Variants in PLEKHA6 observed in about 807,000 individuals in gnomAD.
PLEKHA6 encodes the protein pleckstrin homology domain-containing family A member 6.
A neutral mutation model predicts 116.7 loss-of-function variants in PLEKHA6; 60 were observed. The observed-to-expected ratio is 0.51, with a 90% CI of 0.42 to 0.64. The LOEUF (loss-of-function observed/expected upper bound fraction) is 0.64. PLEKHA6 is among the 30% of genes least tolerant of loss of function. PLEKHA6 has a pLI of 0.00. For missense variants in PLEKHA6, 1,338 were observed against 1,422.7 expected (o/e 0.94, Z 0.96); for synonymous variants, 489 against 556.1 (o/e 0.88, Z 1.70).
At chr1:204,321,066 T>C (rs1448641461) in intron 1 of PLEKHA6, among the ~76,000 whole-genome samples, 5 of 152,090 alleles carry the variant, frequency 3.3e-5, no homozygotes, top group African/African-American at 1.2e-4. Flanking sequence ...TGGACAAGGC[T>C]GTTGTTTCGG....
chr1:204,223,641 G>T lies in PLEKHA6; in HGVS notation c.3032-56C>A. ...GGGGGTGGGTGGGGGAGGAGGGTGG[G>T]CACCCAGAGCAAGCGAGGCCCTCCC... On this transcript the variant is annotated intron_variant, in intron 21 of 22. Coordinates refer to ENST00000272203, the MANE Select transcript of PLEKHA6 (RefSeq NM_014935.5). The surrounding 1 kb of genome is among the most constrained non-coding windows in gnomAD (Gnocchi z 4.8). 3.7e-6 allele frequency: 1 copy of T among 267,636 alleles called. No homozygotes were observed. The allele number at this position is 267,636 out of a possible 1,614,324, so 16.6% of individuals were successfully genotyped here.
intron 1 of PLEKHA6, among the ~76,000 whole-genome samples, chr1:204,356,838 C>A (rs958637793): frequency 2.6e-5 from 4 of 152,116 alleles, no homozygotes; most frequent in Non-Finnish European, 5.9e-5. Context: ...ATTACTTTTA[C>A]ACTCACAGAA....
In PLEKHA6 at chr1:204,220,312, A is replaced by G. The variant is rs991531493; in HGVS notation, c.*2476T>C. On this transcript the variant is annotated 3_prime_UTR_variant, in exon 23 of 23. Transcript: ENST00000272203. ...CTGACAACCGCAGAGGGTCATCAGG[A>G]GCAGACAGTGTAATAAAATCCTTAG... is the stretch of plus-strand genomic sequence containing the variant. The G allele has an allele frequency of 6.6e-6, 1 of 152,234 alleles. No homozygotes were observed. Among genetic ancestry groups the G allele is most frequent in the Admixed American group, 6.5e-5 (1 of 15,288 alleles). 9.4% of individuals were successfully genotyped at this position (152,234 alleles called of 1,614,324 possible).
chr1:204,253,908 G>A (rs1023735422), intron 9 of PLEKHA6, among the ~76,000 whole-genome samples: 3 of 152,128 alleles, frequency 2.0e-5, no homozygotes, highest in Admixed American at 6.5e-5. Context: ...CCATGAGGGA[G>A]TCTTCTGGAA....
Position 204,222,737 on chromosome 1 carries a change from G to C in PLEKHA6, c.*51C>G, listed in dbSNP as rs1659781412. The C allele has an allele frequency of 6.5e-6, 1 of 152,904 alleles. No individual in the cohort carries two copies. The highest frequency in any genetic ancestry group is 1.5e-5 in the Non-Finnish European group (1 of 68,234). 9.5% of individuals were successfully genotyped at this position (152,904 alleles called of 1,614,324 possible). On this transcript the variant is annotated 3_prime_UTR_variant, in exon 23 of 23. Transcript: ENST00000272203. ...GGGCAGAGGACGGCTTCAGAATGTG[G>C]CTCTGTGGAGCTTCACAGCATTGGC...
At chr1:204,230,290 A>C (rs758536149) in intron 18 of PLEKHA6, 123 bp downstream of exon 18, 2 of 698,994 alleles carry the variant, frequency 2.9e-6, no homozygotes, top group Non-Finnish European at 4.5e-6. Flanking sequence ...CCAGGTGCCC[A>C]GCTTGGGTTC....
intron 1 of PLEKHA6, among the ~76,000 whole-genome samples, chr1:204,343,722 C>A (rs1174696920): frequency 6.6e-6 from 1 of 152,188 alleles, no homozygotes; most frequent in Admixed American, 6.5e-5. Flanking sequence ...CAGGGCAGTG[C>A]TCCTAGTCAC....
intron 1 of PLEKHA6, among the ~76,000 whole-genome samples, chr1:204,349,261 G>A (rs68142825): frequency 0.14 from 21,108 of 152,158 alleles, 3,678 homozygotes; most frequent in African/African-American, 0.41. Context: ...GTTCTTGGCC[G>A]GGTGCGGTGG....
chr1:204,278,228 C>G (rs1249362671), intron 1 of PLEKHA6, among the ~76,000 whole-genome samples: 2 of 152,216 alleles, frequency 1.3e-5, no homozygotes, highest in African/African-American at 2.4e-5. Flanking sequence ...TCTAGGCAAG[C>G]CTGTTCTCCA....
intron 1 of PLEKHA6, among the ~76,000 whole-genome samples, chr1:204,292,867 A>G (rs1669910625): frequency 6.7e-6 from 1 of 150,304 alleles, no homozygotes; most frequent in Admixed American, 6.6e-5. Context: ...GCCACTCCCA[A>G]GGCGGAAGTC....
rs1349814061 is a variant in PLEKHA6 at position 204,222,545 on chromosome 1, A to C, written c.*243T>G. The C allele has an allele frequency of 6.5e-6, 1 of 152,826 alleles. No homozygotes were observed. Among genetic ancestry groups the C allele is most frequent in the African/African-American group, 2.4e-5 (1 of 41,462 alleles). The allele number at this position is 152,826 out of a possible 1,614,324, so 9.5% of individuals were successfully genotyped here. On this transcript the variant is annotated 3_prime_UTR_variant, in exon 23 of 23. Coordinates refer to ENST00000272203, the MANE Select transcript of PLEKHA6 (RefSeq NM_014935.5). ...CTGTCATCTCAGGCCCTGGCCCAGG[A>C]CCACGGTGTGAGTAGTGATGGCTCC... is the stretch of plus-strand genomic sequence containing the variant.
At chr1:204,240,938 G>A (rs1662718908) in intron 17 of PLEKHA6, among the ~76,000 whole-genome samples, 1 of 152,136 alleles carries the variant, frequency 6.6e-6, no homozygotes, top group South Asian at 2.1e-4. Context: ...AGGAGAGACT[G>A]GCCTAGCCTC....
chr1:204,326,997 G>A, intron 1 of PLEKHA6: 1 of 985,352 alleles, frequency 1.0e-6, no homozygotes, highest in South Asian at 4.7e-5. Context: ...AGCCTCTGTA[G>A]TAGGGATTTG....
intron 7 of PLEKHA6, among the ~76,000 whole-genome samples, chr1:204,260,084 T>C (rs1398010782): frequency 6.6e-6 from 1 of 152,172 alleles, no homozygotes; most frequent in Non-Finnish European, 1.5e-5. Flanking sequence ...CTAGTCTTGG[T>C]CCTCTCTGCG....
At chr1:204,301,877 C>T (rs566345871) in intron 1 of PLEKHA6, among the ~76,000 whole-genome samples, 1 of 152,280 alleles carries the variant, frequency 6.6e-6, no homozygotes, top group Middle Eastern at 3.4e-3. Flanking sequence ...TAGGGACTTA[C>T]TGATGATTAT....
At chr1:204,318,657 A>G (rs1343571748) in intron 1 of PLEKHA6, among the ~76,000 whole-genome samples, 1 of 152,232 alleles carries the variant, frequency 6.6e-6, no homozygotes, top group African/African-American at 2.4e-5. Context: ...CCAGGGTCAC[A>G]ATATAAAGTC....
chr1:204,243,578 C>A (rs904224483), intron 15 of PLEKHA6, among the ~76,000 whole-genome samples: 3 of 152,166 alleles, frequency 2.0e-5, no homozygotes, highest in East Asian at 3.9e-4. Context: ...TTGCTTCCAC[C>A]CACTCTCCTG....
chr1:204,249,676 AC>A (rs1186659386), intron 10 of PLEKHA6, among the ~76,000 whole-genome samples: 1 of 152,030 alleles, frequency 6.6e-6, no homozygotes, highest in Non-Finnish European at 1.5e-5. Context: ...ATCCCACAGA[AC>A]CTTCTCCCTT....
chr1:204,279,391 G>GC (rs1234694229), intron 1 of PLEKHA6, among the ~76,000 whole-genome samples: 1 of 152,132 alleles, frequency 6.6e-6, no homozygotes, highest in Non-Finnish European at 1.5e-5. Flanking sequence ...CCAATAAACT[G>GC]CAGAGTATGG....
Sources: allele counts gnomAD v4.1 joint callset (sites outside exome capture counted in the v4.1 genomes callset), GRCh38; gene constraint gnomAD v4.1.1; non-coding constraint Gnocchi (gnomAD v3.1); transcripts MANE v1.5; gene names NCBI Gene and HGNC (gene_info 2026-07-23, HGNC 2026-07-21).